CTNNA2: variants seen among roughly 807,000 people sequenced by gnomAD.
CTNNA2 encodes catenin alpha-2.
In CTNNA2, 42 loss-of-function variants were observed where a neutral mutation model predicts 101.0. The observed-to-expected ratio is 0.42, with a 90% CI of 0.32 to 0.54. The LOEUF is 0.54. CTNNA2 is among the 20% of genes least tolerant of loss of function. CTNNA2 has a pLI of 0.14. For missense variants in CTNNA2, 871 were observed against 1,223.1 expected, an observed-to-expected ratio of 0.71 and a Z score of 4.29; for synonymous variants, 450 against 456.4, an observed-to-expected ratio of 0.99 and a Z score of 0.18.
intron 1 of CTNNA2, among the ~76,000 whole-genome samples, chr2:79,606,694 C>T (rs1452139507): frequency 1.3e-5 from 2 of 152,104 alleles, no homozygotes; most frequent in African/African-American, 2.4e-5. Context: ...TTTTAAGATT[C>T]CTATCTTACA....
At chr2:80,300,926 G>A (rs1386488665) in intron 7 of CTNNA2, among the ~76,000 whole-genome samples, 1 of 150,950 alleles carries the variant, frequency 6.6e-6, no homozygotes, top group African/African-American at 2.4e-5. Context: ...GGGTGAGAAG[G>A]AGCAATCATC....
At chr2:80,382,870 T>C (rs970578812) in intron 7 of CTNNA2, among the ~76,000 whole-genome samples, 1 of 152,238 alleles carries the variant, frequency 6.6e-6, no homozygotes, top group Admixed American at 6.5e-5. Context: ...CACTTAAAAA[T>C]GAAATGGAAC....
rs75802151 is a variant in CTNNA2 at position 80,174,761 on chromosome 2, A to T, written c.1057-218450A>T. On this transcript the variant is annotated intron_variant, in intron 7 of 18. Coordinates refer to ENST00000402739, the MANE Select transcript of CTNNA2 (RefSeq NM_001282597.3). ...TTCTCTCTTTTCCTTTACCTTCCAT[A>T]TCACTTCCATGTCAGAGTTCCTGGA... Among the ~76,000 whole-genome samples the T allele has an allele frequency of 4.4e-3, 669 of 152,144 alleles. 3 individuals carry two copies. The highest frequency in any genetic ancestry group is 0.015 in the African/African-American group (630 of 41,506).
chr2:79,337,451 C>T (rs1211616180), intron 3 of CTNNA2, among the ~76,000 whole-genome samples: 2 of 152,148 alleles, frequency 1.3e-5, no homozygotes, highest in African/African-American at 4.8e-5. Flanking sequence ...TTAAAAAATG[C>T]TCACAGCATT....
At chr2:79,543,565 T>G (rs1673550674) in intron 1 of CTNNA2, among the ~76,000 whole-genome samples, 1 of 152,188 alleles carries the variant, frequency 6.6e-6, no homozygotes, top group Non-Finnish European at 1.5e-5. Context: ...CTGACAACTT[T>G]TTTTTAGTAG....
At chr2:80,605,480 G>A (rs907249258) in intron 16 of CTNNA2, 1 of 151,950 alleles carries the variant, frequency 6.6e-6, no homozygotes, top group African/African-American at 2.4e-5. Context: ...AAAGAGAATT[G>A]CATCCTTCTC....
rs560648138 is a variant in CTNNA2, at chr2:79,929,388, G to A, written c.1056+19591G>A. On this transcript the variant is annotated intron_variant, in intron 7 of 18. Coordinates refer to ENST00000402739, the MANE Select transcript of CTNNA2 (RefSeq NM_001282597.3). ...TAAAAGAAAAAAAGGGACGTATTCC[G>A]AAACTGTATGTATGACCACAGGGAA... Among the ~76,000 whole-genome samples the A allele has an allele frequency of 2.8e-4, 43 of 152,228 alleles. No individual in the cohort carries two copies. The South Asian group carries it at 7.5e-3, about 26-fold the overall frequency.
At chr2:80,097,323 G>T (rs1401350169) in intron 7 of CTNNA2, among the ~76,000 whole-genome samples, 1 of 152,140 alleles carries the variant, frequency 6.6e-6, no homozygotes, top group African/African-American at 2.4e-5. Flanking sequence ...TAAGAATGTT[G>T]AATGTTGGCC....
chr2:79,255,417 G>A (rs1372560805), intron 2 of CTNNA2, among the ~76,000 whole-genome samples: 1 of 152,124 alleles, frequency 6.6e-6, no homozygotes, highest in African/African-American at 2.4e-5. Context: ...TACATTACTG[G>A]TACTTTGCAT....
intron 2 of CTNNA2, among the ~76,000 whole-genome samples, chr2:79,702,509 G>A (rs1685081356): frequency 6.6e-6 from 1 of 152,156 alleles, no homozygotes; most frequent in African/African-American, 2.4e-5. Flanking sequence ...TTGCTATAGA[G>A]TTAGATCATG....
chr2:79,991,907 C>A (rs138308018), intron 7 of CTNNA2, among the ~76,000 whole-genome samples: 107 of 152,200 alleles, frequency 7.0e-4, no homozygotes, highest in African/African-American at 2.5e-3. Flanking sequence ...GCCAAGGCCT[C>A]AGGTATGTTC....
At chr2:80,587,977 C>T (rs908465720) in intron 14 of CTNNA2, among the ~76,000 whole-genome samples, 1 of 152,150 alleles carries the variant, frequency 6.6e-6, no homozygotes, top group Admixed American at 6.6e-5. Flanking sequence ...TCTATAAAGT[C>T]ATCATGAACA....
At chr2:79,981,514 G>A (rs1004407161) in intron 7 of CTNNA2, among the ~76,000 whole-genome samples, 1 of 152,230 alleles carries the variant, frequency 6.6e-6, no homozygotes, top group Admixed American at 6.5e-5. Flanking sequence ...AAAGAACTAT[G>A]ATGTGACACT....
intron 4 of CTNNA2, among the ~76,000 whole-genome samples, chr2:79,484,103 T>C (rs1671134917): frequency 6.6e-6 from 1 of 151,960 alleles, no homozygotes; most frequent in African/African-American, 2.4e-5. Context: ...ATTAACGACA[T>C]GGTGGCATGT....
chr2:79,400,527 C>T (rs891894266), intron 4 of CTNNA2, among the ~76,000 whole-genome samples: 1 of 151,942 alleles, frequency 6.6e-6, no homozygotes, highest in Non-Finnish European at 1.5e-5. Context: ...AGCAGTTCAG[C>T]TGCAGATGCG....
chr2:79,708,658 T>C (rs1685543460), intron 2 of CTNNA2, among the ~76,000 whole-genome samples: 1 of 150,016 alleles, frequency 6.7e-6, no homozygotes, highest in Non-Finnish European at 1.5e-5. Context: ...TATACTGTAA[T>C]TTTTATAAGG....
upstream of CTNNA2, among the ~76,000 whole-genome samples, chr2:79,510,356 G>A (rs1054293052): frequency 1.3e-5 from 2 of 151,878 alleles, no homozygotes; most frequent in African/African-American, 4.8e-5. Context: ...AAGAAATAAG[G>A]GTTTTAAAAA....
At chr2:79,389,166 T>C (rs917792916) in intron 4 of CTNNA2, among the ~76,000 whole-genome samples, 11 of 152,342 alleles carry the variant, frequency 7.2e-5, no homozygotes, top group African/African-American at 2.6e-4. Flanking sequence ...GTGCTTTGTT[T>C]TTTAAAAATC....
intron 7 of CTNNA2, among the ~76,000 whole-genome samples, chr2:80,301,487 G>A (rs574133855): frequency 9.2e-4 from 140 of 152,290 alleles, no homozygotes; most frequent in African/African-American, 3.1e-3. Flanking sequence ...AAAATGTTTC[G>A]TGTTCCTAGG....
Sources: gnomAD v4.1 joint callset for allele counts (sites outside exome capture counted in the v4.1 genomes callset) on GRCh38, gnomAD v4.1.1 for gene constraint, MANE v1.5 for transcripts, NCBI Gene and HGNC (gene_info 2026-07-23, HGNC 2026-07-21) for gene names.